Variants in PIGG observed in about 807,000 individuals in gnomAD.
PIGG encodes phosphatidylinositol glycan anchor biosynthesis class G (EMM blood group), also known as GPI ethanolamine phosphate transferase 2, catalytic subunit.
A neutral mutation model predicts 83.2 loss-of-function variants in PIGG; 70 were observed. The ratio of observed to expected loss-of-function variants is 0.84; its 90% CI spans 0.69 to 1.03. The LOEUF (loss-of-function observed/expected upper bound fraction) is 1.03, where lower values mean the gene tolerates loss of function less well. Among genes scored for constraint, PIGG ranks in the 50% least tolerant of loss-of-function variants. The pLI is 0.00. For synonymous variants in PIGG, 532 were observed against 519.5 expected, an observed-to-expected ratio of 1.02 and a Z score of -0.33; for missense variants, 1,257 against 1,233.6, an observed-to-expected ratio of 1.02 and a Z score of -0.28.
At chr4:536,616 G>A (rs567078956) in intron 12 of PIGG, 4 of 152,070 alleles carry the variant, frequency 2.6e-5, no homozygotes, top group Non-Finnish European at 5.9e-5. Flanking sequence ...GCCCTGGGAC[G>A]TCTTTCTCTG....
At chr4:507,264 G>T in intron 3 of PIGG, 141 bp from the exon 4 acceptor site, 1 of 649,960 alleles carries the variant, frequency 1.5e-6, no homozygotes, top group Admixed American at 2.9e-5. Flanking sequence ...TAATGACATA[G>T]ATTTTGTTGT....
intron 8 of PIGG, 101 bp downstream of exon 8, chr4:522,042 C>G (rs1354603015): frequency 1.6e-6 from 2 of 1,285,256 alleles, no homozygotes; most frequent in Non-Finnish European, 2.2e-6. Flanking sequence ...GGTTGAACAC[C>G]TGGTGTGTGC....
At chr4:511,520 C>T (rs782106631) in intron 5 of PIGG, among the ~76,000 whole-genome samples, 1 of 152,148 alleles carries the variant, frequency 6.6e-6, no homozygotes, top group Non-Finnish European at 1.5e-5. Flanking sequence ...TATAGCTGTG[C>T]CCCCACCCGC....
chr4:539,246 T>C lies in PIGG; in HGVS notation c.2829T>C (p.Tyr943=), dbSNP rs781494111. The change falls in exon 13 of 13, where the codon TAT becomes TAC. Residue 943 remains tyrosine (Y), a synonymous_variant. Transcript: ENST00000453061. ...TYIVLVTSLR[Y]HLFIWSVFSP... ...TCGTTTTGGTGACATCTCTGCGTTATCATTTATTTATATGGAGTGTATTTT... is the reference window on the plus strand; with the variant it reads ...TCGTTTTGGTGACATCTCTGCGTTACCATTTATTTATATGGAGTGTATTTT... 1 of 1,612,054 alleles carries C rather than the reference T, an allele frequency of 6.2e-7. No individual in the cohort carries two copies. The highest frequency in any genetic ancestry group is 8.5e-7 in the Non-Finnish European group (1 of 1,178,068).
intron 11 of PIGG, 118 bp from the exon 12 acceptor site, chr4:533,700 C>A: frequency 2.2e-6 from 2 of 902,472 alleles, no homozygotes; most frequent in Admixed American, 2.0e-5. Context: ...GTGTCCGTGC[C>A]GGCGTGGTTA....
rs1731598206 is a variant in PIGG, at chr4:539,708, G to A, written c.*339G>A. ...GGAGGAGGCACCCAGATTACCTTAG[G>A]GAGCACAGAGCTCTTAGAATCCTAC... On this transcript the variant is annotated 3_prime_UTR_variant, in exon 13 of 13. Coordinates refer to ENST00000453061, the MANE Select transcript of PIGG (RefSeq NM_001127178.3). 4.8e-6 allele frequency: 1 copy of A among 209,030 alleles called. No homozygotes were observed. Among genetic ancestry groups the A allele is most frequent in the Admixed American group, 5.4e-5 (1 of 18,462 alleles). 12.9% of individuals were successfully genotyped at this position (209,030 alleles called of 1,614,324 possible). A position where few individuals can be genotyped will look rare whatever the true frequency, so the allele number is the denominator to read the frequency against.
chr4:521,015 G>GGT, intron 6 of PIGG, 41 bp from the exon 7 acceptor site: 2 of 1,323,324 alleles, frequency 1.5e-6, no homozygotes, highest in Non-Finnish European at 2.2e-6. Flanking sequence ...GTATGTTCAC[G>GGT]GTGTGTGTGC....
intron 5 of PIGG, among the ~76,000 whole-genome samples, chr4:513,318 G>T (rs1722836080): frequency 6.6e-6 from 1 of 152,094 alleles, no homozygotes; most frequent in African/African-American, 2.4e-5. Flanking sequence ...TTTTTGTTTT[G>T]TTATGTTAAT....
At chr4:538,916 C>T (rs1370377817) in intron 12 of PIGG, among the ~76,000 whole-genome samples, 1 of 152,162 alleles carries the variant, frequency 6.6e-6, no homozygotes, top group African/African-American at 2.4e-5. Flanking sequence ...GTTTCTCCTG[C>T]CTCCTTCACT....
intron 5 of PIGG, among the ~76,000 whole-genome samples, chr4:510,820 C>T (rs782788330): frequency 7.9e-5 from 12 of 152,134 alleles, no homozygotes; most frequent in Non-Finnish European, 1.2e-4. Flanking sequence ...TCTGCAGCCA[C>T]CTTCCTCTTC....
At chr4:538,245 C>T (rs1265379366) in intron 12 of PIGG, among the ~76,000 whole-genome samples, 1 of 152,190 alleles carries the variant, frequency 6.6e-6, no homozygotes, top group Non-Finnish European at 1.5e-5. Context: ...TGTAATTTAT[C>T]ATTTTTCAAT....
rs1055986907 is a variant in PIGG, at chr4:505,585, A to G, written c.361-133A>G. ...GAGTTCAAAGCTGCAGTGATCCCTGATTGCATGACTGCACTCCATCCTGAG... is the reference window on the plus strand; with the variant it reads ...GAGTTCAAAGCTGCAGTGATCCCTGGTTGCATGACTGCACTCCATCCTGAG... On this transcript the variant is annotated intron_variant, in intron 2 of 12. Coordinates refer to ENST00000453061, the MANE Select transcript of PIGG (RefSeq NM_001127178.3). 3 of 618,064 alleles carry G rather than the reference A, an allele frequency of 4.9e-6. No individual in the cohort carries two copies. The African/African-American group carries it at 5.7e-5, about 12-fold the overall frequency. The allele number at this position is 618,064 out of a possible 1,614,324, so 38.3% of individuals were successfully genotyped here.
At chr4:504,726 G>C (rs1023941401) in intron 2 of PIGG, among the ~76,000 whole-genome samples, 7 of 152,112 alleles carry the variant, frequency 4.6e-5, no homozygotes, top group Non-Finnish European at 1.0e-4. Flanking sequence ...GCTGGCTGGG[G>C]TGGCTGTATA....
chr4:516,854 C>CAA (rs1178401194), intron 6 of PIGG, among the ~76,000 whole-genome samples: 3,650 of 45,808 alleles, frequency 0.08, 126 homozygotes, highest in East Asian at 0.19. Context: ...GACTCTGCCT[C>CAA]AAAAAAAAAA....
chr4:517,311 G>A (rs1724249508), intron 6 of PIGG, among the ~76,000 whole-genome samples: 2 of 152,152 alleles, frequency 1.3e-5, no homozygotes, highest in South Asian at 2.1e-4. Context: ...TGAAGAAGTG[G>A]TTGCATTCTG....
rs944222356 is a variant in PIGG, at chr4:523,999, C to T, written c.2069+86C>T. ...AGCTCTTCTTTTTCTAAATTGAGAC[C>T]ATTTTTCATATTAAGAATGGGATAG... On this transcript the variant is annotated intron_variant, in intron 9 of 12. Transcript: ENST00000453061. 3.3e-5 allele frequency: 28 copies of T among 837,718 alleles called. No individual in the cohort carries two copies. The African/African-American group carries it at 4.5e-4, about 13-fold the overall frequency. 51.9% of individuals were successfully genotyped at this position (837,718 alleles called of 1,614,324 possible).
At chr4:531,027 G>A (rs376990134) in intron 11 of PIGG, 6 of 414,986 alleles carry the variant, frequency 1.4e-5, no homozygotes, top group Non-Finnish European at 2.1e-5. Context: ...CAGACATCAC[G>A]TTGTTCACTT....
chr4:510,807 T>G (rs1338096958), intron 5 of PIGG, among the ~76,000 whole-genome samples: 1 of 152,102 alleles, frequency 6.6e-6, no homozygotes, highest in Non-Finnish European at 1.5e-5. Flanking sequence ...AACCCCATAC[T>G]CTTCTGCAGC....
At chr4:509,330 T>C (rs1553881824) in intron 5 of PIGG, among the ~76,000 whole-genome samples, 2 of 152,144 alleles carry the variant, frequency 1.3e-5, no homozygotes, top group African/African-American at 4.8e-5. Flanking sequence ...AACCATCTAT[T>C]GAATAGCAGT....
Sources: gnomAD v4.1 joint callset for allele counts (sites outside exome capture counted in the v4.1 genomes callset) on GRCh38, gnomAD v4.1.1 for gene constraint, MANE v1.5 for transcripts, NCBI Gene and HGNC (gene_info 2026-07-23, HGNC 2026-07-21) for gene names.